EPC2: variants seen among roughly 807,000 people sequenced by gnomAD.
The protein encoded by EPC2 is enhancer of polycomb 2.
EPC2 carries 14 observed loss-of-function variants against 92.1 expected under a neutral mutation model. The observed-to-expected ratio is 0.15, with a 90% CI of 0.10 to 0.24. The LOEUF (loss-of-function observed/expected upper bound fraction) is 0.24, where lower values mean the gene tolerates loss of function less well. Among genes scored for constraint, EPC2 ranks in the 10% least tolerant of loss-of-function variants. The pLI is 1.00. For missense variants in EPC2, 755 were observed against 971.5 expected (o/e 0.78, Z 2.96); for synonymous variants, 340 against 334.7 (o/e 1.02, Z -0.17).
intron 4 of EPC2, among the ~76,000 whole-genome samples, chr2:148,761,166 T>C (rs1191107413): frequency 2.6e-5 from 4 of 152,198 alleles, no homozygotes; most frequent in Non-Finnish European, 5.9e-5. Flanking sequence ...TGAAATTCAG[T>C]ATTTTTGCTA....
chr2:148,776,803 G>A (rs1468048393), intron 10 of EPC2, among the ~76,000 whole-genome samples: 1 of 151,044 alleles, frequency 6.6e-6, no homozygotes, highest in Non-Finnish European at 1.5e-5. Context: ...GATGGCTTGA[G>A]GCCAGGAGGT....
intron 2 of EPC2, among the ~76,000 whole-genome samples, chr2:148,693,228 A>G (rs1681677596): frequency 6.6e-6 from 1 of 152,096 alleles, no homozygotes; most frequent in South Asian, 2.1e-4. Flanking sequence ...TCTTCTTTTA[A>G]TGATAGATTA....
At chr2:148,708,957 C>T (rs1682071433) in intron 2 of EPC2, among the ~76,000 whole-genome samples, 1 of 152,150 alleles carries the variant, frequency 6.6e-6, no homozygotes, top group Non-Finnish European at 1.5e-5. Context: ...CCCTCTCTCA[C>T]CACTCCTATT....
intron 2 of EPC2, among the ~76,000 whole-genome samples, chr2:148,733,465 C>G (rs1360742535): frequency 1.3e-5 from 1 of 74,922 alleles, no homozygotes; most frequent in Admixed American, 1.2e-4. Flanking sequence ...TTTCTCTTTT[C>G]TTTCTCTCTC....
chr2:148,718,820 T>C (rs1468209578), intron 2 of EPC2, among the ~76,000 whole-genome samples: 2 of 152,212 alleles, frequency 1.3e-5, no homozygotes, highest in Non-Finnish European at 2.9e-5. Context: ...CTAAATGATA[T>C]CCTGAAGTAT....
intron 10 of EPC2, among the ~76,000 whole-genome samples, chr2:148,779,884 A>C (rs1234995560): frequency 6.6e-6 from 1 of 152,168 alleles, no homozygotes; most frequent in Non-Finnish European, 1.5e-5. Flanking sequence ...GAATTGGTGC[A>C]CTGTACACAT....
intron 2 of EPC2, among the ~76,000 whole-genome samples, chr2:148,717,900 A>G (rs1030181053): frequency 6.6e-6 from 1 of 152,176 alleles, no homozygotes; most frequent in Non-Finnish European, 1.5e-5. Context: ...GAAGGTCTCT[A>G]AGAACTTGCT....
At chr2:148,746,409 C>G (rs1682985468) in intron 3 of EPC2, among the ~76,000 whole-genome samples, 1 of 151,980 alleles carries the variant, frequency 6.6e-6, no homozygotes, top group Non-Finnish European at 1.5e-5. Context: ...ATTTTTTATC[C>G]CTTTCCTTCA....
intron 7 of EPC2, among the ~76,000 whole-genome samples, chr2:148,768,009 G>A (rs1683449315): frequency 6.6e-6 from 1 of 152,182 alleles, no homozygotes; most frequent in Non-Finnish European, 1.5e-5. Flanking sequence ...CTGTTTCTGT[G>A]TCTCCCCCAT....
intron 1 of EPC2, chr2:148,645,393 G>A (rs545557469): frequency 2.5e-5 from 12 of 479,418 alleles, no homozygotes; most frequent in South Asian, 7.4e-5. Context: ...TTAGCTCGCA[G>A]CGCTGCTTAC....
chr2:148,732,479 C>G (rs1353644573), intron 2 of EPC2, among the ~76,000 whole-genome samples: 2 of 150,500 alleles, frequency 1.3e-5, no homozygotes, highest in East Asian at 4.0e-4. Flanking sequence ...CTCACAGGTT[C>G]AAGCGATTCT....
chr2:148,785,658 G>A (rs1683852068), intron 13 of EPC2, among the ~76,000 whole-genome samples: 1 of 152,166 alleles, frequency 6.6e-6, no homozygotes, highest in African/African-American at 2.4e-5. Context: ...TGGAAGATGG[G>A]AGTTGTTATG....
At chr2:148,722,845 A>G (rs1354487096) in intron 2 of EPC2, among the ~76,000 whole-genome samples, 1 of 152,236 alleles carries the variant, frequency 6.6e-6, no homozygotes, top group Non-Finnish European at 1.5e-5. Flanking sequence ...CATAGTCATA[A>G]AAGAACGAGA....
chr2:148,646,885 G>A (rs1321424216), intron 1 of EPC2, among the ~76,000 whole-genome samples: 3 of 152,074 alleles, frequency 2.0e-5, no homozygotes, highest in Non-Finnish European at 4.4e-5. Context: ...GCCGAGGTGG[G>A]CGGATCATGA....
At chr2:148,726,814 A>G (rs1245793238) in intron 2 of EPC2, among the ~76,000 whole-genome samples, 2 of 32,686 alleles carry the variant, frequency 6.1e-5, no homozygotes, top group Admixed American at 3.3e-4. Context: ...GGAGTTCTTT[A>G]TATATTTGGA....
At chr2:148,661,691 T>C in intron 1 of EPC2, among the ~76,000 whole-genome samples, 1 of 144,716 alleles carries the variant, frequency 6.9e-6, no homozygotes, top group Middle Eastern at 3.6e-3. Flanking sequence ...ATATAATACA[T>C]ATATTATGTA....
intron 1 of EPC2, among the ~76,000 whole-genome samples, chr2:148,676,570 T>C (rs1290007900): frequency 6.6e-6 from 1 of 152,128 alleles, no homozygotes; most frequent in East Asian, 1.9e-4. Context: ...TATATTCTAT[T>C]CATCTAGGCT....
At position 148,753,862 on chromosome 2, in the gene EPC2, A is replaced by T; in HGVS notation, c.460-65A>T. The T allele has an allele frequency of 7.7e-6, 11 of 1,436,586 alleles. 1 individual carries two copies. In the South Asian group the frequency reaches 1.3e-4, roughly 17 times the overall value. The allele number at this position is 1,436,586 out of a possible 1,614,324, so 89.0% of individuals were successfully genotyped here. A position where few individuals can be genotyped will look rare whatever the true frequency, so the allele number is the denominator to read the frequency against. On this transcript the variant is annotated intron_variant, in intron 3 of 13. Transcript: ENST00000258484. Reference sequence around the variant, plus strand: ...ACTGGTCGCATTTTTTTCTACAGCCATAAGCTAACTTTTATTTCTTTTTGC... The same window carrying T: ...ACTGGTCGCATTTTTTTCTACAGCCTTAAGCTAACTTTTATTTCTTTTTGC...
chr2:148,666,554 A>T (rs966744419), intron 1 of EPC2, among the ~76,000 whole-genome samples: 5 of 152,274 alleles, frequency 3.3e-5, no homozygotes, highest in Non-Finnish European at 7.3e-5. Context: ...TCACACTTTT[A>T]AAATTATTAG....
Sources: gnomAD v4.1 joint callset for allele counts (sites outside exome capture counted in the v4.1 genomes callset) on GRCh38, gnomAD v4.1.1 for gene constraint, MANE v1.5 for transcripts, NCBI Gene and HGNC (gene_info 2026-07-23, HGNC 2026-07-21) for gene names.